The following RORA variants were observed in gnomAD, a reference collection of about 807,000 sequenced individuals.
RORA encodes the protein RAR related orphan receptor A, also known as nuclear receptor ROR-alpha.
A neutral mutation model predicts 69.5 loss-of-function variants in RORA; 7 were observed. The ratio of observed to expected loss-of-function variants is 0.10; its 90% confidence interval spans 0.06 to 0.19. The LOEUF is 0.19. RORA is among the 10% of genes least tolerant of loss of function. RORA has a pLI of 1.00. For synonymous variants in RORA, 261 were observed against 240.8 expected (o/e 1.08, Z -0.78); for missense variants, 457 against 663.0 (o/e 0.69, Z 3.41).
chr15:61,181,719 T>A (rs1016254115), intron 1 of RORA, among the ~76,000 whole-genome samples: 2 of 150,468 alleles, frequency 1.3e-5, no homozygotes, highest in Admixed American at 6.6e-5. Flanking sequence ...AGTAGGTCAT[T>A]TCCATGTTCA....
chr15:60,838,088 C>T (rs1019145169), intron 1 of RORA, among the ~76,000 whole-genome samples: 8 of 152,144 alleles, frequency 5.3e-5, no homozygotes. Context: ...TGAATACAGA[C>T]TCTGTTCTTA....
rs75166350 is a variant in RORA, at chr15:60,678,862, G to A, written c.167-176C>T. Among the ~76,000 whole-genome samples the A allele has an allele frequency of 3.0e-3, 450 of 152,300 alleles. 6 individuals are homozygous for A. The highest frequency in any genetic ancestry group is 0.01 in the African/African-American group (432 of 41,556). Reference sequence around the variant, plus strand: ...AGACCTACCCCAAAGGCATGCAACCGTGACTGATGAGGCAGCGACCATCAC... The same window carrying A: ...AGACCTACCCCAAAGGCATGCAACCATGACTGATGAGGCAGCGACCATCAC... On this transcript the variant is annotated intron_variant, in intron 1 of 10. Coordinates refer to ENST00000335670, the MANE Select transcript of RORA (RefSeq NM_134261.3).
At chr15:61,166,050 G>A (rs188775886) in intron 1 of RORA, among the ~76,000 whole-genome samples, 12 of 152,320 alleles carry the variant, frequency 7.9e-5, no homozygotes, top group Admixed American at 6.5e-4. Flanking sequence ...GCCATCAGGT[G>A]CAAGATTTTC....
At chr15:61,051,761 C>T (rs73424357) in intron 1 of RORA, among the ~76,000 whole-genome samples, 7,070 of 152,246 alleles carry the variant, frequency 0.046, 242 homozygotes, top group African/African-American at 0.09. Flanking sequence ...CTGAAGTCTC[C>T]GCCTGGGCTT....
rs28544431 is a variant in RORA, at chr15:60,548,369, C to T, written c.197-16518G>A. ...ATGAACACTGCAGTCATTTCCCCGC[C>T]GAGACCATGACTTTCCACTCCCTGG... On this transcript the variant is annotated intron_variant, in intron 2 of 10. Coordinates refer to ENST00000335670, the MANE Select transcript of RORA (RefSeq NM_134261.3). 4.1e-3 allele frequency among the ~76,000 whole-genome samples: 631 copies of T among 152,166 alleles called. 8 individuals are homozygous for T. The highest frequency in any genetic ancestry group is 0.014 in the African/African-American group (580 of 41,500).
intron 1 of RORA, among the ~76,000 whole-genome samples, chr15:61,141,733 C>T (rs4775362): frequency 0.7 from 106,567 of 152,090 alleles, 38,368 homozygotes; most frequent in South Asian, 0.81. Context: ...AGCAAGGTCC[C>T]GCAAGCCTGC....
At chr15:60,723,204 A>T (rs781380397) in intron 1 of RORA, among the ~76,000 whole-genome samples, 3 of 152,238 alleles carry the variant, frequency 2.0e-5, no homozygotes, top group Non-Finnish European at 2.9e-5. Flanking sequence ...TAAAAAGGCT[A>T]ACCATTATAC....
chr15:60,989,414 C>T (rs1894303731), intron 1 of RORA, among the ~76,000 whole-genome samples: 1 of 152,172 alleles, frequency 6.6e-6, no homozygotes, highest in African/African-American at 2.4e-5. Flanking sequence ...CTTTTTATGG[C>T]TGAATAATAT....
intron 1 of RORA, among the ~76,000 whole-genome samples, chr15:60,781,195 C>A (rs890447346): frequency 2.0e-5 from 3 of 152,260 alleles, no homozygotes; most frequent in Non-Finnish European, 4.4e-5. Context: ...GACGACTGAG[C>A]CTATCCTTGT....
intron 1 of RORA, among the ~76,000 whole-genome samples, chr15:60,878,392 C>G (rs1343125849): frequency 6.8e-6 from 1 of 146,666 alleles, no homozygotes; most frequent in African/African-American, 2.5e-5. Context: ...TTGAAGAGGA[C>G]AGAGTGACTT....
At chr15:60,990,663 T>G (rs1595864758) in intron 1 of RORA, among the ~76,000 whole-genome samples, 1 of 152,234 alleles carries the variant, frequency 6.6e-6, no homozygotes, top group African/African-American at 2.4e-5. Flanking sequence ...ACATATACAA[T>G]TACAAAGTCA....
intron 2 of RORA, among the ~76,000 whole-genome samples, chr15:60,551,856 T>C (rs1317289943): frequency 6.6e-6 from 1 of 152,252 alleles, no homozygotes; most frequent in Admixed American, 6.5e-5. Context: ...TGCCACCATC[T>C]GTTCATTCTC....
intron 1 of RORA, among the ~76,000 whole-genome samples, chr15:60,917,542 G>A (rs1891914795): frequency 6.6e-6 from 1 of 152,124 alleles, no homozygotes; most frequent in African/African-American, 2.4e-5. Flanking sequence ...TTTTCCCTCT[G>A]GAATTTTCCT....
At chr15:60,847,578 C>G (rs1364856462) in intron 1 of RORA, among the ~76,000 whole-genome samples, 1 of 151,902 alleles carries the variant, frequency 6.6e-6, no homozygotes, top group African/African-American at 2.4e-5. Context: ...CCAAAAGTAG[C>G]CACCAACCAT....
intron 1 of RORA, among the ~76,000 whole-genome samples, chr15:60,999,144 T>A (rs1894665783): frequency 6.6e-6 from 1 of 152,220 alleles, no homozygotes; most frequent in Admixed American, 6.5e-5. Flanking sequence ...GTGGAATTCT[T>A]TTTGAAATTA....
chr15:60,816,793 G>A (rs2072823817), intron 1 of RORA, among the ~76,000 whole-genome samples: 1 of 151,616 alleles, frequency 6.6e-6, no homozygotes, highest in Non-Finnish European at 1.5e-5. Context: ...CTATCTTCTT[G>A]CATTTGGAAG....
intron 1 of RORA, among the ~76,000 whole-genome samples, chr15:61,002,017 G>A (rs1050749337): frequency 6.6e-6 from 1 of 152,236 alleles, no homozygotes; most frequent in Non-Finnish European, 1.5e-5. Flanking sequence ...CAGGGCAGCT[G>A]GGGAGCTGGT....
chr15:60,709,408 C>T (rs2071112380), intron 1 of RORA, among the ~76,000 whole-genome samples: 1 of 152,174 alleles, frequency 6.6e-6, no homozygotes, highest in Non-Finnish European at 1.5e-5. Flanking sequence ...AACACTCGAG[C>T]TCCTTTGATT....
rs2065159406 is a variant in RORA, at chr15:60,496,040, T to G, written c.*1415A>C. On this transcript the variant is annotated 3_prime_UTR_variant, in exon 11 of 11. Transcript: ENST00000335670. The surrounding 1 kb of genome is among the most constrained non-coding windows in gnomAD (Gnocchi z 4.5). ...AACTTCACTTTAAAGGCTTAAAGTATTTAATATTTAAATAAGAGAAACTGG... is the reference window on the plus strand; with the variant it reads ...AACTTCACTTTAAAGGCTTAAAGTAGTTAATATTTAAATAAGAGAAACTGG... 6.6e-6 allele frequency: 1 copy of G among 152,326 alleles called. No homozygotes were observed. Among genetic ancestry groups the G allele is most frequent in the South Asian group, 2.1e-4 (1 of 4,826 alleles). The allele number at this position is 152,326 out of a possible 1,614,324, so 9.4% of individuals were successfully genotyped here. A position where few individuals can be genotyped will look rare whatever the true frequency, so the allele number is the denominator to read the frequency against.
Sources: allele counts gnomAD v4.1 joint callset (sites outside exome capture counted in the v4.1 genomes callset), GRCh38; gene constraint gnomAD v4.1.1; non-coding constraint Gnocchi (gnomAD v3.1); transcripts MANE v1.5; gene names NCBI Gene and HGNC (gene_info 2026-07-23, HGNC 2026-07-21).